Variants in DPP6 observed in about 807,000 individuals in gnomAD.
DPP6 encodes dipeptidyl peptidase like 6, also known as A-type potassium channel modulatory protein DPP6.
DPP6 carries 69 observed loss-of-function variants against 122.6 expected under a neutral mutation model. That is an observed-to-expected ratio of 0.56 (90% CI 0.46 to 0.69). The LOEUF (loss-of-function observed/expected upper bound fraction) is 0.69. Ranked by LOEUF, DPP6 falls within the 30% of genes least tolerant of loss-of-function variation. DPP6 has a pLI of 0.00. For missense variants in DPP6, 928 were observed against 1,116.9 expected, an observed-to-expected ratio of 0.83 and a Z score of 2.41; for synonymous variants, 418 against 433.1, an observed-to-expected ratio of 0.97 and a Z score of 0.43.
chr7:154,427,646 C>T (rs1818022426), intron 1 of DPP6, among the ~76,000 whole-genome samples: 1 of 152,104 alleles, frequency 6.6e-6, no homozygotes. Flanking sequence ...CTTCTTTAGC[C>T]CTCATGAATA....
At chr7:154,677,299 G>A (rs1157217198) in intron 7 of DPP6, among the ~76,000 whole-genome samples, 1 of 152,152 alleles carries the variant, frequency 6.6e-6, no homozygotes, top group Non-Finnish European at 1.5e-5. Context: ...GCATCTGCCA[G>A]TGATCCAGCG....
At chr7:154,227,431 G>C (rs80189332) in intron 1 of DPP6, among the ~76,000 whole-genome samples, 14,385 of 152,028 alleles carry the variant, frequency 0.095, 962 homozygotes, top group African/African-American at 0.18. Flanking sequence ...GCTCTTCAGT[G>C]GGCTGTGGTT....
the DPP6 span, among the ~76,000 whole-genome samples, chr7:153,791,000 A>T: frequency 1.3e-5 from 2 of 152,200 alleles, no homozygotes; most frequent in Admixed American, 6.5e-5. Context: ...TGAAAAAGAG[A>T]AATCATGTGG....
intron 1 of DPP6, among the ~76,000 whole-genome samples, chr7:153,918,580 C>CAG (rs1252718507): frequency 2.3e-3 from 85 of 37,470 alleles, no homozygotes; most frequent in African/African-American, 7.0e-3. Context: ...CTCTCTCTCT[C>CAG]TCTCTCTCTC....
rs1341289630 is a variant in DPP6 at position 154,340,877 on chromosome 7, T to C, written c.244-105337T>C. ...GGAGTACCATGAAACCCGTGTCCAC[T>C]ACAGAATGCCTGGCGCTGCTCTTTT... On this transcript the variant is annotated intron_variant, in intron 1 of 25. Coordinates refer to ENST00000377770, the MANE Select transcript of DPP6 (RefSeq NM_130797.4). Among the ~76,000 whole-genome samples the C allele has an allele frequency of 4.6e-5, 7 of 152,218 alleles. No homozygotes were observed. The East Asian group carries it at 9.6e-4, about 21-fold the overall frequency.
chr7:154,811,263 G>A (rs1286271062), intron 16 of DPP6, among the ~76,000 whole-genome samples: 2 of 152,184 alleles, frequency 1.3e-5, no homozygotes, highest in Non-Finnish European at 2.9e-5. Context: ...GGGGAGACAG[G>A]AGCAGCCAAC....
intron 1 of DPP6, among the ~76,000 whole-genome samples, chr7:154,109,254 T>C (rs1228269562): frequency 6.6e-6 from 1 of 152,290 alleles, no homozygotes; most frequent in African/African-American, 2.4e-5. Context: ...ATGAAAATTA[T>C]ACTCTAGTAT....
intron 1 of DPP6, among the ~76,000 whole-genome samples, chr7:154,030,428 G>T (rs374210356): frequency 6.6e-6 from 1 of 152,078 alleles, no homozygotes; most frequent in Non-Finnish European, 1.5e-5. Flanking sequence ...TCTTACAGCC[G>T]TGATGCTGAT....
At chr7:154,473,523 C>T (rs1273594148) in intron 2 of DPP6, among the ~76,000 whole-genome samples, 1 of 152,160 alleles carries the variant, frequency 6.6e-6, no homozygotes, top group Non-Finnish European at 1.5e-5. Flanking sequence ...CTGACAATTT[C>T]AGTAATTTGT....
At chr7:153,881,257 T>C in the DPP6 span, among the ~76,000 whole-genome samples, 2 of 152,194 alleles carry the variant, frequency 1.3e-5, no homozygotes, top group African/African-American at 4.8e-5. Flanking sequence ...TAAGTAAATA[T>C]GTGTGATAAG....
At chr7:154,168,442 G>T (rs115324047) in intron 1 of DPP6, among the ~76,000 whole-genome samples, 7 of 152,208 alleles carry the variant, frequency 4.6e-5, no homozygotes, top group African/African-American at 1.7e-4. Flanking sequence ...TACACTATTT[G>T]TAGTTCTGAG....
At chr7:154,176,676 G>T (rs533080494) in intron 1 of DPP6, among the ~76,000 whole-genome samples, 1 of 152,118 alleles carries the variant, frequency 6.6e-6, no homozygotes, top group Non-Finnish European at 1.5e-5. Flanking sequence ...TCTCCAATGC[G>T]CTGGGTCTCT....
chr7:153,968,374 C>T (rs572825599), intron 1 of DPP6, among the ~76,000 whole-genome samples: 3 of 152,086 alleles, frequency 2.0e-5, no homozygotes, highest in Non-Finnish European at 4.4e-5. Flanking sequence ...CATGTCTGTT[C>T]ATATTCTTTG....
the DPP6 span, among the ~76,000 whole-genome samples, chr7:153,881,464 C>T: frequency 3.9e-5 from 6 of 152,298 alleles, no homozygotes; most frequent in East Asian, 1.2e-3. Flanking sequence ...CTATAAATGG[C>T]TCTTCTCTAA....
At chr7:153,807,633 C>A in the DPP6 span, among the ~76,000 whole-genome samples, 1 of 151,844 alleles carries the variant, frequency 6.6e-6, no homozygotes, top group East Asian at 1.9e-4. Context: ...GAGGTTTTGG[C>A]GGGGCTCGGG....
At chr7:154,239,748 G>A (rs1355460768) in intron 1 of DPP6, among the ~76,000 whole-genome samples, 9 of 151,212 alleles carry the variant, frequency 6.0e-5, no homozygotes, top group Admixed American at 4.0e-4. Context: ...CAAGGCAGGT[G>A]GATCACTTGA....
At chr7:154,879,908 G>A (rs1021477325) in intron 20 of DPP6, among the ~76,000 whole-genome samples, 20 of 152,226 alleles carry the variant, frequency 1.3e-4, no homozygotes, top group Admixed American at 3.9e-4. Context: ...GCCACGTGGA[G>A]GGCACAGCGC....
intron 5 of DPP6, chr7:154,587,586 T>C (rs1170629119): frequency 4.0e-6 from 6 of 1,493,904 alleles, no homozygotes; most frequent in Non-Finnish European, 5.4e-6. Context: ...CAAAATAGCA[T>C]CCTGGGACCA....
chr7:154,420,837 T>G (rs184361533), intron 1 of DPP6, among the ~76,000 whole-genome samples: 360 of 152,298 alleles, frequency 2.4e-3, no homozygotes, highest in African/African-American at 7.7e-3. Context: ...TTGTCAATTT[T>G]TTTTCCAAAA....
Sources: allele counts gnomAD v4.1 joint callset (sites outside exome capture counted in the v4.1 genomes callset), GRCh38; gene constraint gnomAD v4.1.1; transcripts MANE v1.5; gene names NCBI Gene and HGNC (gene_info 2026-07-23, HGNC 2026-07-21).